The following PDE1C variants were observed in gnomAD, a reference collection of about 807,000 sequenced individuals.
PDE1C encodes the protein dual specificity calcium/calmodulin-dependent 3',5'-cyclic nucleotide phosphodiesterase 1C.
In PDE1C, 62 loss-of-function variants were observed where a neutral mutation model predicts 93.1. That is an observed-to-expected ratio of 0.67 (90% confidence interval 0.54 to 0.82). The LOEUF (loss-of-function observed/expected upper bound fraction) is 0.82, where lower values mean the gene tolerates loss of function less well. Ranked by LOEUF, PDE1C falls within the 40% of genes least tolerant of loss-of-function variation. PDE1C has a pLI of 0.00. For missense variants in PDE1C, 742 were observed against 884.6 expected, an observed-to-expected ratio of 0.84 and a Z score of 2.04; for synonymous variants, 325 against 310.1, an observed-to-expected ratio of 1.05 and a Z score of -0.50.
At chr7:31,847,732 A>G (rs1792810957) in intron 9 of PDE1C, 6 of 449,702 alleles carry the variant, frequency 1.3e-5, no homozygotes, top group South Asian at 4.9e-5. Flanking sequence ...TTGGAACTTA[A>G]TCATAACATT....
At chr7:32,070,953 G>C (rs1200731186), upstream of PDE1C, 1 of 985,322 alleles carries the variant, frequency 1.0e-6, no homozygotes, top group Non-Finnish European at 1.2e-6. Flanking sequence ...GCCTGCCTTC[G>C]CGCCCCTCTG....
intron 2 of PDE1C, among the ~76,000 whole-genome samples, chr7:31,963,630 A>G (rs1465891790): frequency 6.6e-6 from 1 of 152,232 alleles, no homozygotes; most frequent in African/African-American, 2.4e-5. Context: ...ACATTTTAGA[A>G]GAAAACCAAA....
chr7:31,906,209 T>C (rs1346290407), intron 2 of PDE1C, among the ~76,000 whole-genome samples: 5 of 152,226 alleles, frequency 3.3e-5, no homozygotes, highest in Admixed American at 3.3e-4. Flanking sequence ...TCTCAAGTCA[T>C]GTCCTCACAA....
At chr7:31,859,081 A>G (rs1403522877) in intron 7 of PDE1C, among the ~76,000 whole-genome samples, 1 of 150,192 alleles carries the variant, frequency 6.7e-6, no homozygotes, top group African/African-American at 2.4e-5. Context: ...TAAATATATA[A>G]TGACATAGGG....
chr7:32,346,108 A>G (rs80280244), intron 1 of PDE1C, among the ~76,000 whole-genome samples: 1 of 152,184 alleles, frequency 6.6e-6, no homozygotes, highest in African/African-American at 2.4e-5. Context: ...TAAGCAAACG[A>G]TATGTCATAC....
At chr7:32,151,053 G>A (rs1367506116) in intron 3 of PDE1C, among the ~76,000 whole-genome samples, 5 of 152,066 alleles carry the variant, frequency 3.3e-5, no homozygotes, top group African/African-American at 7.2e-5. Context: ...TCAAAGAATC[G>A]TATCTGTAAG....
At chr7:31,679,990 T>C in the PDE1C span, among the ~76,000 whole-genome samples, 1 of 152,202 alleles carries the variant, frequency 6.6e-6, no homozygotes, top group Non-Finnish European at 1.5e-5. Flanking sequence ...GGCCTGTTCA[T>C]TCCCATGTGC....
intron 1 of PDE1C, among the ~76,000 whole-genome samples, chr7:32,223,255 C>A (rs540484643): frequency 6.6e-6 from 1 of 152,218 alleles, no homozygotes; most frequent in South Asian, 2.1e-4. Flanking sequence ...TGCTATGCTG[C>A]TGGTACTAAG....
intron 1 of PDE1C, among the ~76,000 whole-genome samples, chr7:32,394,519 G>A (rs1195071265): frequency 6.6e-6 from 1 of 152,212 alleles, no homozygotes; most frequent in Non-Finnish European, 1.5e-5. Context: ...TTATTAAAAA[G>A]AGTCTGGGTT....
intron 1 of PDE1C, among the ~76,000 whole-genome samples, chr7:32,252,200 A>G (rs574543594): frequency 2.0e-4 from 30 of 152,304 alleles, no homozygotes; most frequent in African/African-American, 6.3e-4. Flanking sequence ...ATGCACAAAC[A>G]TATTTTCCAA....
chr7:31,688,157 C>T, the PDE1C span, among the ~76,000 whole-genome samples: 18 of 152,094 alleles, frequency 1.2e-4, no homozygotes, highest in African/African-American at 3.9e-4. Flanking sequence ...GACCTGGGCT[C>T]GGGACTCCAT....
chr7:32,315,059 G>A (rs1005860505), intron 1 of PDE1C, among the ~76,000 whole-genome samples: 1 of 148,410 alleles, frequency 6.7e-6, no homozygotes, highest in Non-Finnish European at 1.5e-5. Context: ...ACAATGATAA[G>A]GATGCTGGAG....
In PDE1C at chr7:32,380,239, TTTTA is replaced by T. The variant is rs1350816465; in HGVS notation, c.310+47579_310+47582del. Among the ~76,000 whole-genome samples the T allele has an allele frequency of 6.6e-5, 10 of 151,988 alleles. 1 individual carries two copies. In the South Asian group the frequency reaches 1.0e-3, roughly 16 times the overall value. On this transcript the variant is annotated intron_variant, in intron 1 of 1. Transcript: ENST00000672256. ...CATCCTCTCTCTCTCTCTCTTTTTT[TTTTA>T]TTTATTTTTTTTGAGATGGAGCCTC...
At position 32,069,290 on chromosome 7, in the gene PDE1C, A is replaced by G. The variant is rs558507043; in HGVS notation, c.101+1003T>C. ...GTTTGTGTGTGTGCTTTCAAAAACAATAACAGCAGCAAAACAAACAAACTG... is the reference window on the plus strand; with the variant it reads ...GTTTGTGTGTGTGCTTTCAAAAACAGTAACAGCAGCAAAACAAACAAACTG... On this transcript the variant is annotated intron_variant, in intron 1 of 17. Transcript: ENST00000396191. Among the ~76,000 whole-genome samples the G allele has an allele frequency of 8.5e-5, 13 of 152,350 alleles. No homozygotes were observed. In the East Asian group the frequency reaches 2.5e-3, roughly 29 times the overall value.
At chr7:31,625,731 C>G in the PDE1C span, among the ~76,000 whole-genome samples, 32 of 151,834 alleles carry the variant, frequency 2.1e-4, no homozygotes, top group Non-Finnish European at 4.4e-4. Context: ...ATGTACCTAA[C>G]CTGCACATTG....
At chr7:32,262,632 G>A (rs1424775140) in intron 1 of PDE1C, among the ~76,000 whole-genome samples, 1 of 152,164 alleles carries the variant, frequency 6.6e-6, no homozygotes, top group Non-Finnish European at 1.5e-5. Context: ...GCAGGTCCAT[G>A]GTACCCAATG....
At chr7:31,801,854 T>C (rs1786090211) in intron 16 of PDE1C, among the ~76,000 whole-genome samples, 2 of 151,490 alleles carry the variant, frequency 1.3e-5, no homozygotes, top group Admixed American at 6.6e-5. Flanking sequence ...CTTTTACTTT[T>C]GTGCTGTTTG....
chr7:31,861,439 T>A (rs1052379775), intron 7 of PDE1C, among the ~76,000 whole-genome samples: 1 of 151,996 alleles, frequency 6.6e-6, no homozygotes, highest in African/African-American at 2.4e-5. Flanking sequence ...ATCCCTGATC[T>A]CCCCTGGAAC....
chr7:32,097,763 T>C lies in PDE1C; in HGVS notation c.308+72022A>G, dbSNP rs35953625. 6.2e-3 allele frequency among the ~76,000 whole-genome samples: 940 copies of C among 152,068 alleles called. 7 individuals are homozygous for C. The highest frequency in any genetic ancestry group is 9.2e-3 in the Admixed American group (141 of 15,278). ...TGTAACTGAGACTCACACTGGGAAA[T>C]GGGTAGGTAAACAGAAAAGCGTAGT... On this transcript the variant is annotated intron_variant, in intron 3 of 18. Transcript: ENST00000396193.
Sources: allele counts gnomAD v4.1 joint callset (sites outside exome capture counted in the v4.1 genomes callset), GRCh38; gene constraint gnomAD v4.1.1; transcripts MANE v1.5; gene names NCBI Gene and HGNC (gene_info 2026-07-23, HGNC 2026-07-21).